Variants in DHX36 observed in about 807,000 individuals in gnomAD.
The protein encoded by DHX36 is ATP-dependent DNA/RNA helicase DHX36.
Under a neutral mutation model 139.0 loss-of-function variants are expected in DHX36, and 50 were observed. The observed-to-expected ratio is 0.36, with a 90% CI of 0.29 to 0.46. The LOEUF (loss-of-function observed/expected upper bound fraction) is 0.46, where lower values mean the gene tolerates loss of function less well. Ranked by LOEUF, DHX36 falls within the 20% of genes least tolerant of loss-of-function variation. DHX36 has a pLI of 1.00. For missense variants in DHX36, 1,024 were observed against 1,211.3 expected (o/e 0.85, Z 2.29); for synonymous variants, 425 against 401.9 (o/e 1.06, Z -0.69).
rs1719106423 is a variant in DHX36, at chr3:154,275,047, C to T, written c.*1124G>A. 6.6e-6 allele frequency: 1 copy of T among 152,172 alleles called. No individual in the cohort carries two copies. Among genetic ancestry groups the T allele is most frequent in the Admixed American group, 6.5e-5 (1 of 15,278 alleles). 9.4% of individuals were successfully genotyped at this position (152,172 alleles called of 1,614,324 possible). A position where few individuals can be genotyped will look rare whatever the true frequency, so the allele number is the denominator to read the frequency against. On this transcript the variant is annotated 3_prime_UTR_variant, in exon 25 of 25. Transcript: ENST00000496811. Reference sequence around the variant, plus strand: ...ACAACTAAGATTCAGAGAGTACAGGCACTAGCCTATGTGCTTTACATGTAT... The same window carrying T: ...ACAACTAAGATTCAGAGAGTACAGGTACTAGCCTATGTGCTTTACATGTAT...
At chr3:154,293,149 A>C (rs1003351137) in intron 14 of DHX36, among the ~76,000 whole-genome samples, 1 of 152,164 alleles carries the variant, frequency 6.6e-6, no homozygotes, top group South Asian at 2.1e-4. Context: ...TAATTACCAA[A>C]TACTACCCCC....
intron 23 of DHX36, among the ~76,000 whole-genome samples, chr3:154,277,129 A>C (rs1719174477): frequency 6.6e-6 from 1 of 152,214 alleles, no homozygotes; most frequent in African/African-American, 2.4e-5. Context: ...ACTACTCTGA[A>C]CAAAATATTT....
At position 154,275,058 on chromosome 3, in the gene DHX36, G is replaced by A. The variant is rs1401382579; in HGVS notation, c.*1113C>T. ...TCAGAGAGTACAGGCACTAGCCTAT[G>A]TGCTTTACATGTATTAATGTACTTC... On this transcript the variant is annotated 3_prime_UTR_variant, in exon 25 of 25. Coordinates refer to ENST00000496811, the MANE Select transcript of DHX36 (RefSeq NM_020865.3). The A allele has an allele frequency of 6.6e-6, 1 of 152,202 alleles. No individual in the cohort carries two copies. Among genetic ancestry groups the A allele is most frequent in the African/African-American group, 2.4e-5 (1 of 41,446 alleles). The allele number at this position is 152,202 out of a possible 1,614,324, so 9.4% of individuals were successfully genotyped here.
In DHX36 at chr3:154,303,354, A is replaced by C. The variant is rs999621606; in HGVS notation, c.1192T>G (p.Leu398Val). ...GFTFPVVEYL[L>V]EDVIEKIRYV... ...CTTATTTTTTCAATTACATCTTCCA[A>C]AAGATATTCCACAACCGGAAAGGTA... The change falls in exon 9 of 25, where the codon TTG becomes GTG. Residue 398 changes from leucine (L) to valine (V), a missense_variant. By Grantham distance (32) the Leu-to-Val change is conservative (BLOSUM62 1). Around this residue, in one of 4 missense-constraint regions of DHX36, gnomAD observed 146 missense variants for 215.0 expected, o/e 0.68. Transcript: ENST00000496811. The C allele has an allele frequency of 6.2e-7, 1 of 1,606,960 alleles. No individual in the cohort carries two copies. Among genetic ancestry groups the C allele is most frequent in the African/African-American group, 1.3e-5 (1 of 74,684 alleles).
At chr3:154,282,922 A>G (rs1337814031) in intron 20 of DHX36, among the ~76,000 whole-genome samples, 1 of 152,184 alleles carries the variant, frequency 6.6e-6, no homozygotes, top group Non-Finnish European at 1.5e-5. Context: ...CTCAGTTTGA[A>G]TCATCAAAAT....
At chr3:154,305,009 A>G in intron 7 of DHX36, 37 bp from the exon 8 acceptor site, 2 of 1,596,278 alleles carry the variant, frequency 1.3e-6, no homozygotes, top group African/African-American at 2.7e-5. Flanking sequence ...TTTTAAAACC[A>G]TTTTTCTTTA....
In DHX36 at chr3:154,273,550, G is replaced by A. The variant is rs1358968059; in HGVS notation, c.*2621C>T. The A allele has an allele frequency of 6.6e-6, 1 of 152,214 alleles. No homozygotes were observed. The highest frequency in any genetic ancestry group is 2.4e-5 in the African/African-American group (1 of 41,462). The allele number at this position is 152,214 out of a possible 1,614,324, so 9.4% of individuals were successfully genotyped here. A position where few individuals can be genotyped will look rare whatever the true frequency, so the allele number is the denominator to read the frequency against. On this transcript the variant is annotated 3_prime_UTR_variant, in exon 25 of 25. Transcript: ENST00000496811. ...ACAAACAGAAACTCTTACAGAGCAA[G>A]AAAGACCAGATGGTCACCTCGACGT...
chr3:154,307,803 A>AAAG (rs938841506), intron 5 of DHX36, among the ~76,000 whole-genome samples: 12 of 152,156 alleles, frequency 7.9e-5, no homozygotes, highest in African/African-American at 2.9e-4. Context: ...GTGTCAAAAA[A>AAAG]AAAAAAATAC....
chr3:154,311,140 T>C lies in DHX36; in HGVS notation c.642+496A>G, dbSNP rs559075507. 4.4e-4 allele frequency among the ~76,000 whole-genome samples: 67 copies of C among 151,290 alleles called. No homozygotes were observed. The South Asian group carries it at 6.6e-3, about 15-fold the overall frequency. ...AGATGTCAGGTGGTAACAAGTGCTA[T>C]GAAAAGTAAAAAATAAAGTAAAATA... On this transcript the variant is annotated intron_variant, in intron 4 of 24. Coordinates refer to ENST00000496811, the MANE Select transcript of DHX36 (RefSeq NM_020865.3).
At chr3:154,276,976 G>T in intron 23 of DHX36, 77 bp from the exon 24 acceptor site, 1 of 1,230,488 alleles carries the variant, frequency 8.1e-7, no homozygotes, top group South Asian at 1.6e-5. Context: ...AATATTACCA[G>T]TATTAATTAA....
At chr3:154,312,377 G>A (rs1712793541) in intron 3 of DHX36, 1 of 152,048 alleles carries the variant, frequency 6.6e-6, no homozygotes, top group Non-Finnish European at 1.5e-5. Context: ...CTATATTTAT[G>A]TGACAATTTC....
In DHX36 at chr3:154,274,588, T is replaced by C. The variant is rs1026299196; in HGVS notation, c.*1583A>G. 6.6e-6 allele frequency: 1 copy of C among 152,228 alleles called. No homozygotes were observed. Among genetic ancestry groups the C allele is most frequent in the Non-Finnish European group, 1.5e-5 (1 of 68,096 alleles). The allele number at this position is 152,228 out of a possible 1,614,324, so 9.4% of individuals were successfully genotyped here. On this transcript the variant is annotated 3_prime_UTR_variant, in exon 25 of 25. Transcript: ENST00000496811. ...ACTATCAGAGTCAGAAAAGACAATG[T>C]CCAGAGAGAGCAGGATTTCCTCCTC...
At chr3:154,297,733 T>C (rs1046814576) in intron 12 of DHX36, among the ~76,000 whole-genome samples, 1 of 151,570 alleles carries the variant, frequency 6.6e-6, no homozygotes, top group African/African-American at 2.4e-5. Flanking sequence ...AAGTCTCTAG[T>C]TTTTTTGTAT....
chr3:154,295,909 A>G (rs1050065692), intron 12 of DHX36, among the ~76,000 whole-genome samples: 2 of 152,036 alleles, frequency 1.3e-5, no homozygotes, highest in African/African-American at 4.8e-5. Flanking sequence ...CTGAGACCAC[A>G]GGCATGCACA....
At chr3:154,306,102 T>C in intron 6 of DHX36, 114 bp downstream of exon 6, 2 of 739,754 alleles carry the variant, frequency 2.7e-6, no homozygotes. Flanking sequence ...CTTTAAATGG[T>C]AATTGTAATA....
chr3:154,292,509 T>C, intron 15 of DHX36, 42 bp downstream of exon 15: 1 of 1,609,416 alleles, frequency 6.2e-7, no homozygotes, highest in Non-Finnish European at 8.5e-7. Flanking sequence ...TACACAAAAT[T>C]TTTGTGTGTT....
Position 154,276,291 on chromosome 3 carries a change from C to A in DHX36, c.2907G>T (p.Trp969Cys). The A allele has an allele frequency of 6.2e-7, 1 of 1,613,824 alleles. No homozygotes were observed. The highest frequency in any genetic ancestry group is 8.5e-7 in the Non-Finnish European group (1 of 1,179,938). Reference sequence around the variant, plus strand: ...CACAGTCTCTGGATTTAGTGTCATTCCAGTCTACAGGATGAGGACTTTCAA... The same window carrying A: ...CACAGTCTCTGGATTTAGTGTCATTACAGTCTACAGGATGAGGACTTTCAA... ...EKIESPHPVD[W>C]NDTKSRDCAV... Residue 969 changes from tryptophan to cysteine, a missense_variant, in exon 25 of 25, where the codon TGG becomes TGT. By Grantham distance (215) the Trp-to-Cys change is radical (BLOSUM62 -2). Around this residue, in one of 4 missense-constraint regions of DHX36, gnomAD observed 470 missense variants for 616.2 expected, o/e 0.76. Coordinates refer to ENST00000496811, the MANE Select transcript of DHX36 (RefSeq NM_020865.3).
At chr3:154,307,457 A>C (rs1401968825) in intron 5 of DHX36, among the ~76,000 whole-genome samples, 2 of 152,184 alleles carry the variant, frequency 1.3e-5, no homozygotes, top group Non-Finnish European at 2.9e-5. Flanking sequence ...AGGGCAAAAG[A>C]CAAGAACAGA....
At chr3:154,323,093 G>A (rs1026048940) in intron 1 of DHX36, among the ~76,000 whole-genome samples, 2 of 152,218 alleles carry the variant, frequency 1.3e-5, no homozygotes, top group Non-Finnish European at 2.9e-5. Context: ...CCAGCACTTT[G>A]GGAGGCCGAG....
Sources: gnomAD v4.1 joint callset for allele counts (sites outside exome capture counted in the v4.1 genomes callset) on GRCh38, gnomAD v4.1.1 for gene constraint, gnomAD v4.1.1 regional missense constraint, MANE v1.5 for transcripts, NCBI Gene and HGNC (gene_info 2026-07-23, HGNC 2026-07-21) for gene names.